PRKCB: variants seen among roughly 807,000 people sequenced by gnomAD.
PRKCB encodes the protein protein kinase C beta type.
PRKCB carries 13 observed loss-of-function variants against 81.5 expected under a neutral mutation model. The ratio of observed to expected loss-of-function variants is 0.16; its 90% CI spans 0.10 to 0.25. The LOEUF (loss-of-function observed/expected upper bound fraction) is 0.25. Ranked by LOEUF, PRKCB falls within the 10% of genes least tolerant of loss-of-function variation. The pLI is 1.00. For missense variants in PRKCB, 509 were observed against 875.7 expected, an observed-to-expected ratio of 0.58 and a Z score of 5.29; for synonymous variants, 335 against 321.4, an observed-to-expected ratio of 1.04 and a Z score of -0.45.
chr16:23,853,186 C>T (rs1014954282), intron 2 of PRKCB, among the ~76,000 whole-genome samples: 1 of 152,178 alleles, frequency 6.6e-6, no homozygotes, highest in Admixed American at 6.5e-5. Context: ...TTCAAAAATT[C>T]TGTATTAGTA....
At chr16:23,972,720 A>G (rs1275296581) in intron 2 of PRKCB, among the ~76,000 whole-genome samples, 3 of 152,160 alleles carry the variant, frequency 2.0e-5, no homozygotes, top group Admixed American at 6.6e-5. Flanking sequence ...TGAAGGGGAA[A>G]CATTGGGGAG....
chr16:23,876,582 G>GA (rs34911734), intron 2 of PRKCB, among the ~76,000 whole-genome samples: 74,334 of 149,470 alleles, frequency 0.5, 18,754 homozygotes, highest in East Asian at 0.61. Flanking sequence ...TTTTCTTTTT[G>GA]AAAAAAAAAA....
chr16:24,189,396 T>C, intron 15 of PRKCB, among the ~76,000 whole-genome samples: 1 of 152,080 alleles, frequency 6.6e-6, no homozygotes, highest in East Asian at 1.9e-4. Context: ...CCCAGCACTT[T>C]GGGAGGCTGA....
intron 2 of PRKCB, among the ~76,000 whole-genome samples, chr16:23,872,435 C>T (rs1009689245): frequency 2.0e-5 from 3 of 152,168 alleles, no homozygotes; most frequent in Non-Finnish European, 2.9e-5. Context: ...GTGGGAGGAT[C>T]GCTTGAGCTC....
Position 24,085,708 on chromosome 16 carries a change from A to G in PRKCB, c.530-7083A>G, listed in dbSNP as rs1003594731. 7.9e-5 allele frequency among the ~76,000 whole-genome samples: 12 copies of G among 152,258 alleles called. 1 individual carries two copies. In the South Asian group the frequency reaches 1.2e-3, roughly 16 times the overall value. On this transcript the variant is annotated intron_variant, in intron 5 of 16. Transcript: ENST00000643927. ...GGCTCAGAGAAGCCATTTGAGTGAG[A>G]TCACCCAGTTAGTGAGAGTCATGGC...
intron 5 of PRKCB, among the ~76,000 whole-genome samples, chr16:24,041,799 C>T (rs958372410): frequency 3.3e-5 from 5 of 151,894 alleles, no homozygotes; most frequent in African/African-American, 1.2e-4. Context: ...TCAAGACCAA[C>T]GTGACAAAAC....
rs569510913 is a variant in PRKCB, at chr16:24,220,328, G to A, written c.*5512G>A. Reference sequence around the variant, plus strand: ...AATAAGCGCATTATCCAATTATAGAGGTACAATTTTCCAAACTTCCAGAAA... The same window carrying A: ...AATAAGCGCATTATCCAATTATAGAAGTACAATTTTCCAAACTTCCAGAAA... On this transcript the variant is annotated 3_prime_UTR_variant, in exon 17 of 17. Transcript: ENST00000643927. 6.3e-6 allele frequency: 3 copies of A among 473,670 alleles called. No homozygotes were observed. In the Admixed American group the frequency reaches 1.2e-4, roughly 19 times the overall value. The allele number at this position is 473,670 out of a possible 1,614,324, so 29.3% of individuals were successfully genotyped here.
chr16:23,946,480 A>G (rs1964205070), intron 2 of PRKCB, among the ~76,000 whole-genome samples: 1 of 152,196 alleles, frequency 6.6e-6, no homozygotes, highest in African/African-American at 2.4e-5. Flanking sequence ...TCTTGCCTAA[A>G]TGTCAGTTTC....
At chr16:24,000,988 G>GT (rs1965026246) in intron 3 of PRKCB, among the ~76,000 whole-genome samples, 1 of 86,306 alleles carries the variant, frequency 1.2e-5, no homozygotes, top group Admixed American at 1.0e-4. Flanking sequence ...TAAATAAAGC[G>GT]GTTTTTTTTT....
chr16:24,048,880 C>A (rs1299487663), intron 5 of PRKCB, among the ~76,000 whole-genome samples: 9 of 152,002 alleles, frequency 5.9e-5, no homozygotes, highest in South Asian at 2.1e-4. Flanking sequence ...TTGCTATTAC[C>A]CGTAGTCCTT....
intron 8 of PRKCB, among the ~76,000 whole-genome samples, chr16:24,121,487 C>T (rs778823599): frequency 6.6e-6 from 1 of 152,142 alleles, no homozygotes; most frequent in African/African-American, 2.4e-5. Context: ...AGGGATTCTC[C>T]TGCCTTAAGC....
At chr16:23,983,127 A>C (rs1181995751) in intron 2 of PRKCB, among the ~76,000 whole-genome samples, 15 of 151,016 alleles carry the variant, frequency 9.9e-5, no homozygotes, top group Non-Finnish European at 4.4e-5. Flanking sequence ...AAAAAAAAAA[A>C]CAGAAAACAA....
intron 2 of PRKCB, chr16:23,893,296 G>A (rs1483374579): frequency 6.6e-6 from 1 of 152,246 alleles, no homozygotes; most frequent in Non-Finnish European, 1.5e-5. Flanking sequence ...GCCATGGCAT[G>A]AAGGTTTCTG....
chr16:23,862,616 T>A (rs1341914688), intron 2 of PRKCB, among the ~76,000 whole-genome samples: 1 of 151,990 alleles, frequency 6.6e-6, no homozygotes, highest in Non-Finnish European at 1.5e-5. Context: ...TCGTTGAGAG[T>A]TTTTACTTGT....
chr16:24,066,724 G>C (rs1966039877), intron 5 of PRKCB, among the ~76,000 whole-genome samples: 1 of 151,946 alleles, frequency 6.6e-6, no homozygotes, highest in South Asian at 2.1e-4. Flanking sequence ...TCTGGTTTAT[G>C]ACAATTTCTC....
intron 5 of PRKCB, among the ~76,000 whole-genome samples, chr16:24,065,847 GA>G (rs1221127970): frequency 7.2e-5 from 11 of 151,976 alleles, no homozygotes; most frequent in Admixed American, 2.6e-4. Context: ...CATCTCTGGG[GA>G]AAAAAAATCT....
intron 9 of PRKCB, among the ~76,000 whole-genome samples, chr16:24,134,735 C>T (rs1398357148): frequency 8.9e-5 from 13 of 146,754 alleles, no homozygotes; most frequent in Non-Finnish European, 1.2e-4. Flanking sequence ...GGCGACAGAG[C>T]GAGACTCCGT....
Position 23,958,573 on chromosome 16 carries a change from G to A in PRKCB, c.206-29935G>A, listed in dbSNP as rs138491214. Among the ~76,000 whole-genome samples, 1,133 of 152,194 alleles carry A rather than the reference G, an allele frequency of 7.4e-3. 14 individuals carry two copies. The highest frequency in any genetic ancestry group is 0.026 in the African/African-American group (1,075 of 41,516). ...CCACCTCGGCCTCCCAATGTGCTGG[G>A]ATTACAGGTGTGAGCCACTGCGCCC... is the stretch of plus-strand genomic sequence containing the variant. On this transcript the variant is annotated intron_variant, in intron 2 of 16. Coordinates refer to ENST00000643927, the MANE Select transcript of PRKCB (RefSeq NM_002738.7).
At chr16:24,204,487 T>C (rs889194382) in intron 16 of PRKCB, among the ~76,000 whole-genome samples, 2 of 152,160 alleles carry the variant, frequency 1.3e-5, no homozygotes, top group Admixed American at 1.3e-4. Flanking sequence ...TCTCACAGCC[T>C]TGTGGGAATC....
Sources: allele counts gnomAD v4.1 joint callset (sites outside exome capture counted in the v4.1 genomes callset), GRCh38; gene constraint gnomAD v4.1.1; transcripts MANE v1.5; gene names NCBI Gene and HGNC (gene_info 2026-07-23, HGNC 2026-07-21).